The following DOCK3 variants were observed in gnomAD, a reference collection of about 807,000 sequenced individuals.
DOCK3 encodes dedicator of cytokinesis 3, also known as dedicator of cytokinesis protein 3.
Under a neutral mutation model 265.6 loss-of-function variants are expected in DOCK3, and 60 were observed. The observed-to-expected ratio is 0.23, with a 90% CI of 0.18 to 0.28. DOCK3 has a LOEUF of 0.28. Ranked by LOEUF, DOCK3 falls within the 10% of genes least tolerant of loss-of-function variation. The pLI is 1.00. For missense variants in DOCK3, 1,981 were observed against 2,594.3 expected (o/e 0.76, Z 5.14); for synonymous variants, 881 against 938.0 (o/e 0.94, Z 1.11).
intron 1 of DOCK3, among the ~76,000 whole-genome samples, chr3:50,744,772 C>T (rs531500891): frequency 6.6e-6 from 1 of 152,254 alleles, no homozygotes; most frequent in African/African-American, 2.4e-5. Flanking sequence ...GGTAAAGGTC[C>T]AACCTCATTG....
chr3:51,303,555 G>A (rs1411344456), intron 27 of DOCK3, among the ~76,000 whole-genome samples: 2 of 151,584 alleles, frequency 1.3e-5, no homozygotes, highest in Admixed American at 1.3e-4. Context: ...AGTTTGTCTA[G>A]CGTCAATCTT....
At chr3:51,323,493 C>G (rs1049616137) in intron 32 of DOCK3, among the ~76,000 whole-genome samples, 4 of 152,146 alleles carry the variant, frequency 2.6e-5, no homozygotes, top group Non-Finnish European at 5.9e-5. Context: ...GAATGGAAAT[C>G]ATAACAAACA....
chr3:51,142,679 A>G (rs1350617782), intron 9 of DOCK3, among the ~76,000 whole-genome samples: 1 of 152,134 alleles, frequency 6.6e-6, no homozygotes, highest in East Asian at 1.9e-4. Flanking sequence ...TAATGCTGCT[A>G]TAAATATTTA....
chr3:51,174,181 A>G (rs2086824709), intron 12 of DOCK3, among the ~76,000 whole-genome samples: 1 of 152,164 alleles, frequency 6.6e-6, no homozygotes, highest in Admixed American at 6.5e-5. Flanking sequence ...TTGGCTGGGC[A>G]TGGTGGCTCA....
intron 3 of DOCK3, among the ~76,000 whole-genome samples, chr3:50,887,250 C>A (rs2048393423): frequency 6.6e-6 from 1 of 151,862 alleles, no homozygotes; most frequent in South Asian, 2.1e-4. Context: ...TGCAAATAAA[C>A]TAGAAAATCT....
chr3:51,027,678 T>G (rs1166410655), intron 5 of DOCK3, among the ~76,000 whole-genome samples: 1 of 152,182 alleles, frequency 6.6e-6, no homozygotes, highest in African/African-American at 2.4e-5. Flanking sequence ...ATTTAACCCT[T>G]TATCATTATG....
intron 5 of DOCK3, among the ~76,000 whole-genome samples, chr3:51,003,481 T>A (rs535888108): frequency 5.3e-5 from 8 of 152,356 alleles, no homozygotes; most frequent in African/African-American, 1.9e-4. Flanking sequence ...TTCATAGAGC[T>A]GCAAGTGAAA....
At chr3:51,338,847 C>G in intron 36 of DOCK3, 88 bp from the exon 37 acceptor site, 1 of 1,154,108 alleles carries the variant, frequency 8.7e-7, no homozygotes, top group Non-Finnish European at 1.3e-6. Flanking sequence ...CCCTCCTGCC[C>G]AGCACACCCA....
At chr3:50,774,145 T>TC (rs2041450108) in intron 1 of DOCK3, among the ~76,000 whole-genome samples, 1 of 152,018 alleles carries the variant, frequency 6.6e-6, no homozygotes, top group Admixed American at 6.6e-5. Context: ...ATACATTTTT[T>TC]CACAGCTTGT....
At chr3:50,888,233 CAAATCATGAGT>C (rs1487625081) in intron 3 of DOCK3, among the ~76,000 whole-genome samples, 1 of 151,950 alleles carries the variant, frequency 6.6e-6, no homozygotes, top group African/African-American at 2.4e-5. Flanking sequence ...AACAGAGAGC[CAAATCATGAGT>C]AAACTCCCAT....
intron 24 of DOCK3, among the ~76,000 whole-genome samples, chr3:51,271,775 C>A (rs2080507906): frequency 6.6e-6 from 1 of 150,904 alleles, no homozygotes; most frequent in Non-Finnish European, 1.5e-5. Context: ...TGCTCGAACC[C>A]AGGAGGCGGA....
intron 39 of DOCK3, 78 bp from the exon 40 acceptor site, chr3:51,350,210 T>A (rs1375018282): frequency 4.0e-6 from 5 of 1,250,074 alleles, no homozygotes; most frequent in Admixed American, 4.5e-5. Flanking sequence ...CAGAAGACAG[T>A]GTCCAGTTGG....
chr3:51,194,850 G>A (rs1272589099), intron 12 of DOCK3, among the ~76,000 whole-genome samples: 1 of 130,824 alleles, frequency 7.6e-6, no homozygotes, highest in East Asian at 2.2e-4. Context: ...TTTTGAGACA[G>A]AGTCTCGCTC....
chr3:50,921,580 C>G (rs777272909), intron 4 of DOCK3, among the ~76,000 whole-genome samples: 14 of 152,336 alleles, frequency 9.2e-5, no homozygotes, highest in Non-Finnish European at 1.5e-4. Flanking sequence ...CTCCATCCAG[C>G]TTTGTTCCGT....
intron 4 of DOCK3, among the ~76,000 whole-genome samples, chr3:50,908,557 C>G (rs1239786917): frequency 6.6e-6 from 1 of 151,984 alleles, no homozygotes; most frequent in Non-Finnish European, 1.5e-5. Context: ...ACATTGAGTT[C>G]TAATTTGATT....
At chr3:51,114,592 A>G (rs914219194) in intron 9 of DOCK3, among the ~76,000 whole-genome samples, 1 of 152,182 alleles carries the variant, frequency 6.6e-6, no homozygotes, top group African/African-American at 2.4e-5. Flanking sequence ...ACCTCTGTAG[A>G]AGTTTGGTGA....
chr3:51,001,712 T>A (rs2078490266), intron 5 of DOCK3, among the ~76,000 whole-genome samples: 1 of 152,250 alleles, frequency 6.6e-6, no homozygotes, highest in Non-Finnish European at 1.5e-5. Context: ...TTTTACTTTA[T>A]GAAACTGCCA....
At chr3:50,981,702 C>G (rs1047337071) in intron 5 of DOCK3, among the ~76,000 whole-genome samples, 2 of 151,866 alleles carry the variant, frequency 1.3e-5, no homozygotes, top group African/African-American at 4.9e-5. Flanking sequence ...TAATGACTTT[C>G]TTTATCTCTT....
At chr3:50,771,740 A>G (rs1340603613) in intron 1 of DOCK3, among the ~76,000 whole-genome samples, 2 of 152,124 alleles carry the variant, frequency 1.3e-5, no homozygotes, top group Non-Finnish European at 2.9e-5. Flanking sequence ...AGTCCCAGCT[A>G]CTCGGGAGGC....
Sources: allele counts gnomAD v4.1 joint callset (sites outside exome capture counted in the v4.1 genomes callset), GRCh38; gene constraint gnomAD v4.1.1; transcripts MANE v1.5; gene names NCBI Gene and HGNC (gene_info 2026-07-23, HGNC 2026-07-21).